Variants in CD164 observed in about 807,000 individuals in gnomAD.
CD164 encodes the protein CD164 molecule.
In CD164, 11 loss-of-function variants were observed where a neutral mutation model predicts 24.6. That is an observed-to-expected ratio of 0.45 (90% confidence interval 0.28 to 0.74). CD164 has a LOEUF of 0.74. Among genes scored for constraint, CD164 ranks in the 30% least tolerant of loss-of-function variants. CD164 has a pLI of 0.13. For synonymous variants in CD164, 126 were observed against 100.3 expected, an observed-to-expected ratio of 1.26 and a Z score of -1.53; for missense variants, 295 against 243.7, an observed-to-expected ratio of 1.21 and a Z score of -1.40.
rs757486241 is a variant in CD164 at position 109,367,168 on chromosome 6, T to C, written c.*1683A>G. 6.6e-6 allele frequency: 1 copy of C among 152,600 alleles called. No homozygotes were observed. The highest frequency in any genetic ancestry group is 1.9e-4 in the East Asian group (1 of 5,204). The allele number at this position is 152,600 out of a possible 1,614,324, so 9.5% of individuals were successfully genotyped here. ...TAAACCGACCTTTCCCCAAGAAACT[T>C]TGAAGCCAGAGATTTTAAACAATTA... On this transcript the variant is annotated 3_prime_UTR_variant, in exon 6 of 6. Transcript: ENST00000310786.
At chr6:109,374,533 T>C (rs1448695960) in intron 4 of CD164, among the ~76,000 whole-genome samples, 1 of 152,212 alleles carries the variant, frequency 6.6e-6, no homozygotes, top group Non-Finnish European at 1.5e-5. Flanking sequence ...GAGTTCCTTC[T>C]GGCATCGTTC....
At chr6:109,375,330 A>G (rs1771331406) in intron 4 of CD164, among the ~76,000 whole-genome samples, 1 of 152,126 alleles carries the variant, frequency 6.6e-6, no homozygotes, top group Non-Finnish European at 1.5e-5. Flanking sequence ...AAGAGAGAAA[A>G]TACAGGCTGG....
At chr6:109,370,265 A>G in intron 5 of CD164, 146 bp downstream of exon 5, 1 of 640,512 alleles carries the variant, frequency 1.6e-6, no homozygotes, top group Non-Finnish European at 2.8e-6. Flanking sequence ...TTAACAAAGC[A>G]CTACCTTGAT....
chr6:109,382,461 C>A lies in CD164; in HGVS notation c.-83G>T. The stretch of plus-strand genomic sequence containing the variant: ...CCTCAATCCCCTGCGGCGCCGCCTC[C>A]GAGACTACGCTCCCCCGCGGGAGCG... On this transcript the variant is annotated 5_prime_UTR_variant, in exon 1 of 6. Coordinates refer to ENST00000310786, the MANE Select transcript of CD164 (RefSeq NM_006016.6). 1 of 1,309,958 alleles carries A rather than the reference C, an allele frequency of 7.6e-7. No homozygotes were observed. Among genetic ancestry groups the A allele is most frequent in the Non-Finnish European group, 1.0e-6 (1 of 1,002,334 alleles). 81.1% of individuals were successfully genotyped at this position (1,309,958 alleles called of 1,614,324 possible). A position where few individuals can be genotyped will look rare whatever the true frequency, so the allele number is the denominator to read the frequency against.
chr6:109,377,988 GAA>G lies in CD164; in HGVS notation c.260-19_260-18del, dbSNP rs772863146. On this transcript the variant is annotated intron_variant, in intron 2 of 5. Transcript: ENST00000310786. ...AGCTCTCATCTGTTGGGGGGCAGGG[GAA>G]AAGAGACAAACAGCATCAACCACCC... 2.5e-6 allele frequency: 4 copies of G among 1,603,718 alleles called. No homozygotes were observed. Among genetic ancestry groups the G allele is most frequent in the Non-Finnish European group, 3.4e-6 (4 of 1,171,890 alleles).
Position 109,375,561 on chromosome 6 carries a change from G to T in CD164, c.370+513C>A, listed in dbSNP as rs534129672. ...GAACTTGGGAGGGGAAGGTTGCAGT[G>T]AACCGAGATCGTACCACTGCACTCC... On this transcript the variant is annotated intron_variant, in intron 4 of 5. Coordinates refer to ENST00000310786, the MANE Select transcript of CD164 (RefSeq NM_006016.6). 4.1e-5 allele frequency among the ~76,000 whole-genome samples: 6 copies of T among 144,920 alleles called. No individual in the cohort carries two copies. In the South Asian group the frequency reaches 1.3e-3, roughly 31 times the overall value.
At position 109,368,435 on chromosome 6, in the gene CD164, T is replaced by G; in HGVS notation, c.*416A>C. 2 of 1,405,120 alleles carry G rather than the reference T, an allele frequency of 1.4e-6. No homozygotes were observed. The highest frequency in any genetic ancestry group is 1.8e-6 in the Non-Finnish European group (2 of 1,082,654). 87.0% of individuals were successfully genotyped at this position (1,405,120 alleles called of 1,614,324 possible). ...CCACTTTTGAAATGACAGCCAAAAA[T>G]CCACCTAATTGATTCTCATTTGGCA... On this transcript the variant is annotated 3_prime_UTR_variant, in exon 6 of 6. Coordinates refer to ENST00000310786, the MANE Select transcript of CD164 (RefSeq NM_006016.6).
intron 4 of CD164, among the ~76,000 whole-genome samples, chr6:109,374,588 G>T (rs1018004490): frequency 6.6e-6 from 1 of 152,128 alleles, no homozygotes; most frequent in African/African-American, 2.4e-5. Flanking sequence ...TTATTAAAAT[G>T]CAAGTCTGAT....
chr6:109,371,157 C>G (rs1343242919), intron 4 of CD164: 1 of 152,336 alleles, frequency 6.6e-6, no homozygotes, highest in Non-Finnish European at 1.5e-5. Flanking sequence ...ACTGCAATTA[C>G]TTTTGCACCA....
chr6:109,375,263 G>A (rs1043204070), intron 4 of CD164, among the ~76,000 whole-genome samples: 18 of 152,112 alleles, frequency 1.2e-4, no homozygotes, highest in African/African-American at 3.9e-4. Flanking sequence ...ATGAGAGACG[G>A]CCTAATTCTC....
intron 4 of CD164, chr6:109,372,383 G>C (rs1215439462): frequency 6.6e-6 from 1 of 152,104 alleles, no homozygotes; most frequent in African/African-American, 2.4e-5. Flanking sequence ...CTGAATCCTA[G>C]GAAACTAAGG....
intron 1 of CD164, chr6:109,381,705 A>C (rs1582496591): frequency 1.6e-6 from 1 of 636,194 alleles, no homozygotes; most frequent in East Asian, 2.8e-5. Context: ...ACGAACGAGC[A>C]TTACCGTCTT....
At chr6:109,379,520 G>A (rs1259168081) in intron 2 of CD164, 59 bp downstream of exon 2, 9 of 1,241,588 alleles carry the variant, frequency 7.2e-6, no homozygotes, top group Admixed American at 1.9e-5. Context: ...AAGTGTTCAA[G>A]AATTACTGTA....
Position 109,382,278 on chromosome 6 carries a change from G to C in CD164, c.101C>G (p.Thr34Arg). The change falls in exon 1 of 6, where the codon ACG becomes AGG. Residue 34 changes from threonine (T) to arginine (R), a missense_variant. By Grantham distance (71) the Thr-to-Arg change is moderately conservative. Transcript: ENST00000310786. Reference protein sequence around the residue: ...DKNTTQHPNVTTLAPISNVTS... With the variant: ...DKNTTQHPNVRTLAPISNVTS... ...TACGTTGGAGATGGGCGCTAAAGTC[G>C]TCACGTTCGGGTGCTGGGTCGTGTT... 1 of 1,588,188 alleles carries C rather than the reference G, an allele frequency of 6.3e-7. No homozygotes were observed. The highest frequency in any genetic ancestry group is 1.8e-5 in the Admixed American group (1 of 56,460).
At position 109,381,679 on chromosome 6, in the gene CD164, G is replaced by T. The variant is rs981681368; in HGVS notation, c.175+525C>A. The T allele has an allele frequency of 1.4e-4, 96 of 675,974 alleles. No individual in the cohort carries two copies. The Admixed American group carries it at 2.0e-3, about 14-fold the overall frequency. The allele number at this position is 675,974 out of a possible 1,614,324, so 41.9% of individuals were successfully genotyped here. ...AATTAAATCTCAAGCGACCTTCTCA[G>T]ACTCAAGTCTGAGACACGAACGAGC... On this transcript the variant is annotated intron_variant, in intron 1 of 5. Coordinates refer to ENST00000310786, the MANE Select transcript of CD164 (RefSeq NM_006016.6).
Position 109,382,365 on chromosome 6 carries a change from G to C in CD164, c.14C>G (p.Ser5Cys). Residue 5 changes from serine (S) to cysteine (C), a missense_variant, in exon 1 of 6, where the codon TCC becomes TGC. Coordinates refer to ENST00000310786, the MANE Select transcript of CD164 (RefSeq NM_006016.6). ...GGTGGCGGCCCAAAGCAGTGAGCGG[G>C]AGAGCCGCGACATCGTGTCCTCAGC... is the stretch of plus-strand genomic sequence containing the variant. MSRL[S>C]RSLLWAATCL... The C allele has an allele frequency of 6.5e-7, 1 of 1,547,298 alleles. No individual in the cohort carries two copies. The highest frequency in any genetic ancestry group is 8.7e-7 in the Non-Finnish European group (1 of 1,152,552).
intron 2 of CD164, 103 bp from the exon 3 acceptor site, chr6:109,378,074 G>A: frequency 1.0e-6 from 1 of 956,856 alleles, no homozygotes; most frequent in Non-Finnish European, 1.6e-6. Context: ...AAACACTTTA[G>A]AAGTGGGCAG....
At chr6:109,380,374 T>C (rs1185507016) in intron 1 of CD164, 3 of 152,134 alleles carry the variant, frequency 2.0e-5, no homozygotes, top group African/African-American at 7.2e-5. Context: ...TATTTTCCAG[T>C]GAGAAAAAGC....
intron 1 of CD164, chr6:109,381,840 GCCCCATCCTCAA>G (rs779917402): frequency 5.6e-6 from 3 of 534,796 alleles, no homozygotes; most frequent in Non-Finnish European, 9.9e-6. Flanking sequence ...GCGACGCCCG[GCCCCATCCTCAA>G]CCCCACCGCT....
Sources: allele counts gnomAD v4.1 joint callset (sites outside exome capture counted in the v4.1 genomes callset), GRCh38; gene constraint gnomAD v4.1.1; transcripts MANE v1.5; gene names NCBI Gene and HGNC (gene_info 2026-07-23, HGNC 2026-07-21).